The following SSC5D variants were observed in gnomAD, a reference collection of about 807,000 sequenced individuals.
The protein encoded by SSC5D is scavenger receptor cysteine rich family member with 5 domains.
SSC5D carries 106 observed loss-of-function variants against 104.6 expected under a neutral mutation model. That is an observed-to-expected ratio of 1.01 (90% confidence interval 0.87 to 1.19). The LOEUF (loss-of-function observed/expected upper bound fraction) is 1.19, where lower values mean the gene tolerates loss of function less well. Ranked by LOEUF, SSC5D falls within the 50% of genes most tolerant of loss-of-function variation. The probability of loss-of-function intolerance (pLI) is 0.00; values close to 1 mark genes in which losing one functional copy is unlikely to be tolerated. For missense variants in SSC5D, 1,993 were observed against 2,153.8 expected (o/e 0.93, Z 1.48); for synonymous variants, 860 against 883.5 (o/e 0.97, Z 0.47).
Position 55,518,321 on chromosome 19 carries a change from C to T in SSC5D, c.4045C>T (p.Leu1349Phe), listed in dbSNP as rs940365228. The change falls in exon 14 of 14, where the codon CTC (leucine) becomes TTC (phenylalanine). Residue 1349 changes from leucine (L) to phenylalanine (F), a missense_variant. Physicochemically the swap from Leu to Phe is conservative, Grantham distance 22 (BLOSUM62 0). This residue lies in a region of SSC5D where 349 missense variants were observed against 397.6 expected (regional missense o/e 0.88). Transcript: ENST00000389623. The part of the protein sequence containing the change: ...VSLPTSLGTE[L>F]SSPTLAPTVK... ...CCTTCCAACCTCCTTGGGGACAGAA[C>T]TCTCCTCTCCCACTCTAGCACCAAC... 6.4e-6 allele frequency: 10 copies of T among 1,550,936 alleles called. No homozygotes were observed. The highest frequency in any genetic ancestry group is 1.7e-4 in the Middle Eastern group (1 of 6,014).
rs766158177 is a variant in SSC5D, at chr19:55,513,042, G to T, written c.2817G>T (p.Thr939=). Residue 939 remains threonine (T), a synonymous_variant, in exon 13 of 14, where the codon ACG becomes ACT. Transcript: ENST00000389623. ...AAGATGGTTACAAGCTTCCCTGGAC[G>T]TGGGACACACCATCAGGAAGGGGCC... is the stretch of plus-strand genomic sequence containing the variant. The part of the protein sequence containing the change: ...GSKDGYKLPW[T]WDTPSGRGLA... 6.4e-7 allele frequency: 1 copy of T among 1,552,000 alleles called. No homozygotes were observed. Among genetic ancestry groups the T allele is most frequent in the Non-Finnish European group, 8.7e-7 (1 of 1,147,058 alleles).
rs988628468 is a variant in SSC5D at position 55,503,447 on chromosome 19, C to T, written c.2785+2246C>T. ...TTGTTTTCTGAGTCTCCATCTCCCG[C>T]GCCTTCCCTGCAGTCTCCCGCGTGC... On this transcript the variant is annotated intron_variant, in intron 12 of 13. Transcript: ENST00000389623. The surrounding 1 kb of genome is among the most constrained non-coding windows in gnomAD (Gnocchi z 4.0). 1.3e-5 allele frequency among the ~76,000 whole-genome samples: 2 copies of T among 152,106 alleles called. No homozygotes were observed. The highest frequency in any genetic ancestry group is 2.4e-5 in the African/African-American group (1 of 41,410).
chr19:55,511,648 A>C (rs572494479), intron 12 of SSC5D, among the ~76,000 whole-genome samples: 2 of 152,248 alleles, frequency 1.3e-5, no homozygotes, highest in Admixed American at 6.5e-5. Flanking sequence ...TGTCTCCCTA[A>C]ACACTGCAAA....
Position 55,497,965 on chromosome 19 carries a change from G to A in SSC5D, c.1473G>A (p.Val491=). 1 of 1,551,882 alleles carries A rather than the reference G, an allele frequency of 6.4e-7. No individual in the cohort carries two copies. The highest frequency in any genetic ancestry group is 8.7e-7 in the Non-Finnish European group (1 of 1,147,036). The stretch of plus-strand genomic sequence containing the variant: ...GGCATGACCAGCGCTGGGGGACCGT[G>A]TGTGACGATAGCTGGGACATGCGGG... ...EVWHDQRWGT[V]CDDSWDMRDS... Residue 491 remains valine, a synonymous_variant, in exon 9 of 14, where the codon GTG becomes GTA. Coordinates refer to ENST00000389623, the MANE Select transcript of SSC5D (RefSeq NM_001144950.2).
rs112697693 is a variant in SSC5D at position 55,507,368 on chromosome 19, G to A, written c.2786-5643G>A. On this transcript the variant is annotated intron_variant, in intron 12 of 13. Transcript: ENST00000389623. Reference sequence around the variant, plus strand: ...AAAAAAAAAAAAAAAAAAAAGGATGGTTAAGAGACATTTTACGGGCCGGGC... The same window carrying A: ...AAAAAAAAAAAAAAAAAAAAGGATGATTAAGAGACATTTTACGGGCCGGGC... Among the ~76,000 whole-genome samples, 249 of 146,588 alleles carry A rather than the reference G, an allele frequency of 1.7e-3. 3 individuals carry two copies. The highest frequency in any genetic ancestry group is 6.0e-3 in the African/African-American group (242 of 40,042).
chr19:55,494,484 G>A, intron 7 of SSC5D, 126 bp from the exon 8 acceptor site: 2 of 1,107,558 alleles, frequency 1.8e-6, no homozygotes, highest in Non-Finnish European at 2.5e-6. Flanking sequence ...TAGGGAGGAG[G>A]TTCGGCAGGA....
rs1289943509 is a variant in SSC5D, at chr19:55,512,498, T to C, written c.2786-513T>C. 8.0e-5 allele frequency among the ~76,000 whole-genome samples: 12 copies of C among 150,886 alleles called. 1 individual carries two copies. The highest frequency in any genetic ancestry group is 1.5e-5 in the Non-Finnish European group (1 of 67,478). On this transcript the variant is annotated intron_variant, in intron 12 of 13. Transcript: ENST00000389623. ...ATAATAAATTCCTTTTTTTTTTTTT[T>C]TGAGGCGGTGTCTCGCTCTGTCACC...
chr19:55,494,135 T>C (rs1391105773), intron 7 of SSC5D, among the ~76,000 whole-genome samples: 1 of 152,170 alleles, frequency 6.6e-6, no homozygotes, highest in African/African-American at 2.4e-5. Flanking sequence ...TTTGGAAACA[T>C]TTTTGATGGT....
At chr19:55,491,197 C>G (rs979529335) in intron 6 of SSC5D, 117 bp downstream of exon 6, 1 of 1,185,892 alleles carries the variant, frequency 8.4e-7, no homozygotes, top group Non-Finnish European at 1.2e-6. Flanking sequence ...CGCCTGCTCT[C>G]TGCATGCCCA....
intron 7 of SSC5D, 82 bp downstream of exon 7, chr19:55,493,994 G>GCCCCCCCCCCCCCCCCC: frequency 1.4e-5 from 2 of 143,314 alleles, no homozygotes; most frequent in Non-Finnish European, 1.4e-5. Context: ...GGGCGGGGGG[G>GCCCCCCCCCCCCCCCCC]TCCCTACGCG....
At position 55,493,807 on chromosome 19, in the gene SSC5D, G is replaced by C; in HGVS notation, c.1108G>C (p.Asp370His). The change falls in exon 7 of 14, where the codon GAC becomes CAC. Residue 370 changes from aspartate to histidine, a missense_variant. Asp to His is a moderately conservative substitution (Grantham distance 81). Coordinates refer to ENST00000389623, the MANE Select transcript of SSC5D (RefSeq NM_001144950.2). ...GEGSGPIILD[D>H]LRCRGNETAL... ...GGGGTCTGGACCCATCATCCTGGAC[G>C]ACCTTCGGTGTCGGGGAAACGAGAC... 1.3e-6 allele frequency: 2 copies of C among 1,549,148 alleles called. No homozygotes were observed. Among genetic ancestry groups the C allele is most frequent in the Non-Finnish European group, 1.7e-6 (2 of 1,146,550 alleles).
intron 12 of SSC5D, among the ~76,000 whole-genome samples, chr19:55,507,679 AAAAAAAAAAG>A: frequency 6.6e-6 from 1 of 151,182 alleles, no homozygotes; most frequent in South Asian, 2.1e-4. Flanking sequence ...AAAAAAAAAA[AAAAAAAAAAG>A]AAAAAAAGAG....
chr19:55,504,162 T>C, intron 12 of SSC5D: 1 of 1,535,744 alleles, frequency 6.5e-7, no homozygotes, highest in South Asian at 1.2e-5. Context: ...GTTCAAGGAC[T>C]GCCAGGGTTG....
intron 12 of SSC5D, chr19:55,504,126 G>C: frequency 1.3e-6 from 2 of 1,535,380 alleles, no homozygotes; most frequent in Non-Finnish European, 1.7e-6. Flanking sequence ...AGCCGGAAGC[G>C]GGAGCTCCGA....
At chr19:55,506,373 ATTTTTTTTTTTTTTT>A (rs869296361) in intron 12 of SSC5D, among the ~76,000 whole-genome samples, 21 of 72,064 alleles carry the variant, frequency 2.9e-4, no homozygotes, top group African/African-American at 6.7e-4. Flanking sequence ...TGGAATTTGG[ATTTTTTTTTTTTTTT>A]TTTTTTTTTT....
chr19:55,518,575 CCTTA>C lies in SSC5D; in HGVS notation c.4302_4305del (p.Thr1435CysfsTer24). On this transcript the variant is annotated frameshift_variant, in exon 14 of 14. Coordinates refer to ENST00000389623, the MANE Select transcript of SSC5D (RefSeq NM_001144950.2). LOFTEE classifies it low-confidence loss of function (END_TRUNC). ...CCCATACCCCACACTCAGCCTCTGA[CCTTA>C]CTGTGTCCCCTGACCCCCTCCTTTC... The C allele has an allele frequency of 5.2e-6, 8 of 1,544,138 alleles. No homozygotes were observed. Among genetic ancestry groups the C allele is most frequent in the Non-Finnish European group, 6.1e-6 (7 of 1,143,324 alleles).
chr19:55,506,552 G>A (rs1987641069), intron 12 of SSC5D, among the ~76,000 whole-genome samples: 1 of 151,714 alleles, frequency 6.6e-6, no homozygotes, highest in African/African-American at 2.4e-5. Context: ...CCACCACTAT[G>A]CCCGGCTAAT....
Position 55,518,431 on chromosome 19 carries a change from C to G in SSC5D, c.4155C>G (p.Pro1385=), listed in dbSNP as rs374504857. ...CATCCCAGATACCCACCTTAGAGCC[C>G]TCTCCAGCCTTGGAGTCCAGCCCCT... ...TSTSQIPTLE[P]SPALESSPSR... is the part of the protein sequence containing the mutation. The change falls in exon 14 of 14, where the codon CCC becomes CCG. Residue 1385 remains proline (P), a synonymous_variant. Transcript: ENST00000389623. The G allele has an allele frequency of 1.0e-4, 156 of 1,551,380 alleles. No homozygotes were observed. In the African/African-American group the frequency reaches 1.8e-3, roughly 18 times the overall value.
At position 55,489,956 on chromosome 19, in the gene SSC5D, G is replaced by A; in HGVS notation, c.436G>A (p.Glu146Lys). The change falls in exon 4 of 14, where the codon GAG becomes AAG. Residue 146 changes from glutamate to lysine, a missense_variant. By Grantham distance (56) the Glu-to-Lys change is moderately conservative. Around this residue, in one of 6 missense-constraint regions of SSC5D, gnomAD observed 1,101 missense variants for 1,085.0 expected, o/e 1.01. Transcript: ENST00000389623. ...DGAPWPGLLL[E>K]LSPSTEEPLV... is the part of the protein sequence containing the mutation. The stretch of plus-strand genomic sequence containing the variant: ...GGCTCCCTGGCCAGGGCTGTTGCTG[G>A]AGCTGAGCCCCAGCACGGAGGAGCC... 4 of 1,549,722 alleles carry A rather than the reference G, an allele frequency of 2.6e-6. No individual in the cohort carries two copies. Among genetic ancestry groups the A allele is most frequent in the Non-Finnish European group, 3.5e-6 (4 of 1,146,658 alleles).
Sources: gnomAD v4.1 joint callset for allele counts (sites outside exome capture counted in the v4.1 genomes callset) on GRCh38, gnomAD v4.1.1 for gene constraint, gnomAD v4.1.1 regional missense constraint, Gnocchi (gnomAD v3.1) non-coding constraint, MANE v1.5 for transcripts, NCBI Gene and HGNC (gene_info 2026-07-23, HGNC 2026-07-21) for gene names.